The following DTWD2 variants were observed in gnomAD, a reference collection of about 807,000 sequenced individuals.
DTWD2 encodes the protein tRNA-uridine aminocarboxypropyltransferase 2.
A neutral mutation model predicts 31.8 loss-of-function variants in DTWD2; 39 were observed. The observed-to-expected ratio is 1.22, with a 90% CI of 0.95 to 1.60. The LOEUF (loss-of-function observed/expected upper bound fraction) is 1.60, where lower values mean the gene tolerates loss of function less well. DTWD2 is among the 40% of genes most tolerant of loss of function. DTWD2 has a pLI of 0.00. For missense variants in DTWD2, 515 were observed against 381.5 expected (o/e 1.35, Z -2.92); for synonymous variants, 180 against 142.8 (o/e 1.26, Z -1.86).
intron 4 of DTWD2, among the ~76,000 whole-genome samples, chr5:118,853,668 T>C (rs1042369322): frequency 3.9e-5 from 6 of 152,166 alleles, no homozygotes; most frequent in Non-Finnish European, 8.8e-5. Flanking sequence ...ATACTGCATG[T>C]TCTCCCTTAT....
chr5:118,944,247 A>T (rs1378689472), intron 2 of DTWD2, among the ~76,000 whole-genome samples: 1 of 152,202 alleles, frequency 6.6e-6, no homozygotes, highest in African/African-American at 2.4e-5. Context: ...ACCAAAATTT[A>T]AAAAGCAATG....
intron 4 of DTWD2, among the ~76,000 whole-genome samples, chr5:118,918,807 G>C (rs1220710709): frequency 6.6e-6 from 1 of 150,840 alleles, no homozygotes; most frequent in Non-Finnish European, 1.5e-5. Context: ...GGGCAACGTG[G>C]TAAGACCCTG....
chr5:118,895,126 C>T (rs1030210926), intron 4 of DTWD2, among the ~76,000 whole-genome samples: 1 of 151,954 alleles, frequency 6.6e-6, no homozygotes, highest in Non-Finnish European at 1.5e-5. Flanking sequence ...CTAAAGACTC[C>T]ACAGAAAACA....
At chr5:118,881,046 A>G (rs1752728805) in intron 4 of DTWD2, among the ~76,000 whole-genome samples, 1 of 152,212 alleles carries the variant, frequency 6.6e-6, no homozygotes, top group Non-Finnish European at 1.5e-5. Flanking sequence ...TTTTAATGTT[A>G]TATATTAGAT....
At chr5:118,929,911 G>A (rs1236786264) in intron 3 of DTWD2, among the ~76,000 whole-genome samples, 1 of 152,158 alleles carries the variant, frequency 6.6e-6, no homozygotes, top group Non-Finnish European at 1.5e-5. Flanking sequence ...TGCTATCGGT[G>A]CGGTTTCATC....
intron 4 of DTWD2, among the ~76,000 whole-genome samples, chr5:118,879,334 C>T (rs185425310): frequency 1.2e-3 from 178 of 152,218 alleles, no homozygotes; most frequent in African/African-American, 4.0e-3. Context: ...GGGCCAACTG[C>T]GGTGGCTCAT....
intron 1 of DTWD2, among the ~76,000 whole-genome samples, chr5:118,960,644 C>T (rs984253109): frequency 6.6e-6 from 1 of 151,994 alleles, no homozygotes; most frequent in African/African-American, 2.4e-5. Context: ...TCAATGCAGC[C>T]CTATTCACCA....
intron 4 of DTWD2, among the ~76,000 whole-genome samples, chr5:118,918,501 T>C (rs973228149): frequency 1.3e-5 from 2 of 152,042 alleles, no homozygotes; most frequent in Admixed American, 1.3e-4. Flanking sequence ...AGGGCTTTAT[T>C]ATGCAGTTCA....
At chr5:118,915,414 G>T (rs565490755) in intron 4 of DTWD2, among the ~76,000 whole-genome samples, 1 of 143,226 alleles carries the variant, frequency 7.0e-6, no homozygotes, top group Non-Finnish European at 1.5e-5. Flanking sequence ...TCGCTCTGTC[G>T]CCCAGGCTGG....
At chr5:118,970,164 C>T (rs1399481496) in intron 1 of DTWD2, among the ~76,000 whole-genome samples, 26 of 152,240 alleles carry the variant, frequency 1.7e-4, no homozygotes, top group African/African-American at 6.0e-4. Flanking sequence ...CAGTGGCTCA[C>T]GCCTGCAATC....
intron 3 of DTWD2, among the ~76,000 whole-genome samples, chr5:118,938,391 T>C (rs1316268830): frequency 1.3e-5 from 2 of 152,194 alleles, no homozygotes. Context: ...TGTTTTCTTA[T>C]ATACTAGAGG....
intron 4 of DTWD2, among the ~76,000 whole-genome samples, chr5:118,881,243 G>C (rs1041471843): frequency 3.3e-5 from 5 of 152,058 alleles, no homozygotes; most frequent in Non-Finnish European, 5.9e-5. Context: ...AATTTCACAA[G>C]AATTTGATTC....
chr5:118,862,287 G>C (rs761586602), intron 4 of DTWD2, among the ~76,000 whole-genome samples: 2 of 152,196 alleles, frequency 1.3e-5, no homozygotes, highest in Non-Finnish European at 2.9e-5. Flanking sequence ...AAAGGTTGGG[G>C]ACTACTGGGC....
chr5:118,847,501 G>A (rs1462235383), intron 5 of DTWD2, among the ~76,000 whole-genome samples: 1 of 152,010 alleles, frequency 6.6e-6, no homozygotes, highest in Non-Finnish European at 1.5e-5. Context: ...TAAGCACACT[G>A]AAACATTATT....
intron 1 of DTWD2, among the ~76,000 whole-genome samples, chr5:118,957,038 A>G (rs929912688): frequency 1.3e-5 from 2 of 152,172 alleles, no homozygotes; most frequent in East Asian, 1.9e-4. Context: ...ATAGCTTTAC[A>G]TGATTAACAT....
chr5:118,987,750 G>GA (rs1561483945), intron 1 of DTWD2, among the ~76,000 whole-genome samples: 1 of 152,196 alleles, frequency 6.6e-6, no homozygotes, highest in East Asian at 1.9e-4. Flanking sequence ...AAAGGTCTGA[G>GA]CTAGACACAC....
At chr5:118,901,575 A>G (rs1207923585) in intron 4 of DTWD2, among the ~76,000 whole-genome samples, 1 of 152,192 alleles carries the variant, frequency 6.6e-6, no homozygotes, top group Non-Finnish European at 1.5e-5. Context: ...ATATTAGAGT[A>G]TACCACATGG....
chr5:118,941,741 G>A (rs1367104772), intron 2 of DTWD2, among the ~76,000 whole-genome samples: 15 of 152,196 alleles, frequency 9.9e-5, no homozygotes, highest in Admixed American at 9.2e-4. Context: ...CTAGATCCCT[G>A]AGGAATCGCC....
At position 118,838,701 on chromosome 5, in the gene DTWD2, C is replaced by T. The variant is rs1041652271; in HGVS notation, c.*2216G>A. ...CAGTAAAGTAATTTGGAAAACTATACATACTTCAAGAAAATTTTATACATT... is the reference window on the plus strand; with the variant it reads ...CAGTAAAGTAATTTGGAAAACTATATATACTTCAAGAAAATTTTATACATT... On this transcript the variant is annotated 3_prime_UTR_variant, in exon 6 of 6. Transcript: ENST00000510708. The T allele has an allele frequency of 6.6e-5, 10 of 152,066 alleles. No homozygotes were observed. The allele number at this position is 152,066 out of a possible 1,614,324, so 9.4% of individuals were successfully genotyped here. A position where few individuals can be genotyped will look rare whatever the true frequency, so the allele number is the denominator to read the frequency against.
Sources: gnomAD v4.1 joint callset for allele counts (sites outside exome capture counted in the v4.1 genomes callset) on GRCh38, gnomAD v4.1.1 for gene constraint, MANE v1.5 for transcripts, NCBI Gene and HGNC (gene_info 2026-07-23, HGNC 2026-07-21) for gene names.